TENM2: variants seen among roughly 807,000 people sequenced by gnomAD.
The protein encoded by TENM2 is teneurin transmembrane protein 2.
Under a neutral mutation model 245.2 loss-of-function variants are expected in TENM2, and 52 were observed. The ratio of observed to expected loss-of-function variants is 0.21; its 90% CI spans 0.17 to 0.27. The LOEUF (loss-of-function observed/expected upper bound fraction) is 0.27. Ranked by LOEUF, TENM2 falls within the 10% of genes least tolerant of loss-of-function variation. The pLI is 1.00. For synonymous variants in TENM2, 1,363 were observed against 1,438.9 expected (o/e 0.95, Z 1.19); for missense variants, 3,046 against 3,666.8 (o/e 0.83, Z 4.37).
rs549436222 is a variant in TENM2, at chr5:167,322,193, T to C, written c.226+37130T>C. On this transcript the variant is annotated intron_variant, in intron 1 of 28. Transcript: ENST00000518659. ...TTGTGTGTTTATGATGCTCGTGTAT[T>C]TAAGTGCTCAAAAATATTTGTTTTT... Among the ~76,000 whole-genome samples the C allele has an allele frequency of 2.1e-4, 31 of 146,160 alleles. 1 individual carries two copies. In the East Asian group the frequency reaches 5.8e-3, roughly 27 times the overall value.
intron 1 of TENM2, among the ~76,000 whole-genome samples, chr5:167,333,677 G>C (rs1213589945): frequency 1.3e-5 from 2 of 152,110 alleles, no homozygotes; most frequent in Non-Finnish European, 2.9e-5. Context: ...TAGAGGATAT[G>C]TTTGTTGTTC....
Position 168,244,199 on chromosome 5 carries a change from A to G in TENM2, c.5521-221A>G, listed in dbSNP as rs1407466013. ...TGATCCACCCACTTCAGCCTCCCACAGTGCTAGGATTACAGGCGTGAGCCA... is the reference window on the plus strand; with the variant it reads ...TGATCCACCCACTTCAGCCTCCCACGGTGCTAGGATTACAGGCGTGAGCCA... On this transcript the variant is annotated intron_variant, in intron 25 of 28. Coordinates refer to ENST00000518659, the Ensembl canonical transcript of TENM2. This position sits in a 1 kb window ranked among gnomAD's most constrained non-coding sequence, Gnocchi z 4.9. Among the ~76,000 whole-genome samples the G allele has an allele frequency of 2.0e-5, 3 of 152,054 alleles. No individual in the cohort carries two copies. The highest frequency in any genetic ancestry group is 2.9e-5 in the Non-Finnish European group (2 of 68,008).
chr5:168,057,921 A>ACT (rs58072390), intron 6 of TENM2, among the ~76,000 whole-genome samples: 52,711 of 150,202 alleles, frequency 0.35, 9,707 homozygotes, highest in African/African-American at 0.46. Context: ...ATATGGCTTT[A>ACT]CTCTCTCTCT....
intron 2 of TENM2, among the ~76,000 whole-genome samples, chr5:167,619,126 T>C: frequency 6.6e-6 from 1 of 152,120 alleles, no homozygotes; most frequent in East Asian, 1.9e-4. Flanking sequence ...AGAAATATAA[T>C]TTTCCATTTC....
intron 2 of TENM2, among the ~76,000 whole-genome samples, chr5:167,873,654 T>C (rs1486786390): frequency 6.6e-6 from 1 of 152,176 alleles, no homozygotes; most frequent in Non-Finnish European, 1.5e-5. Context: ...GTAAGAAACA[T>C]CAGCAGTTAA....
At chr5:168,027,890 G>T (rs1786769420) in intron 5 of TENM2, among the ~76,000 whole-genome samples, 1 of 152,184 alleles carries the variant, frequency 6.6e-6, no homozygotes, top group East Asian at 1.9e-4. Flanking sequence ...TACTACGGCA[G>T]ATTTATGTGG....
At chr5:167,859,367 C>T (rs1335097478) in intron 2 of TENM2, among the ~76,000 whole-genome samples, 15 of 147,788 alleles carry the variant, frequency 1.0e-4, no homozygotes, top group East Asian at 2.1e-4. Context: ...CCACCCCGTC[C>T]GGGAGGGAGG....
chr5:167,930,908 C>T (rs138914054), intron 3 of TENM2, among the ~76,000 whole-genome samples: 2 of 152,262 alleles, frequency 1.3e-5, no homozygotes, highest in East Asian at 3.9e-4. Flanking sequence ...ACTTATTAAG[C>T]AATGTGTGCA....
At chr5:167,559,761 C>T (rs923210594) in intron 2 of TENM2, among the ~76,000 whole-genome samples, 3 of 152,094 alleles carry the variant, frequency 2.0e-5, no homozygotes, top group African/African-American at 7.2e-5. Context: ...GTCTTCTCTT[C>T]CAAAAGTATG....
At chr5:167,554,023 A>G (rs1259381746) in intron 2 of TENM2, among the ~76,000 whole-genome samples, 2 of 152,174 alleles carry the variant, frequency 1.3e-5, no homozygotes, top group Non-Finnish European at 2.9e-5. Context: ...AGTTTCTCAA[A>G]CAGGGCTTGA....
intron 2 of TENM2, among the ~76,000 whole-genome samples, chr5:167,551,980 A>G (rs1412251620): frequency 6.6e-6 from 1 of 152,198 alleles, no homozygotes; most frequent in African/African-American, 2.4e-5. Flanking sequence ...GCTCCTTGGC[A>G]ATTGTTCTCA....
At chr5:167,954,166 T>TGC (rs995867695) in intron 4 of TENM2, among the ~76,000 whole-genome samples, 1 of 151,998 alleles carries the variant, frequency 6.6e-6, no homozygotes, top group Non-Finnish European at 1.5e-5. Flanking sequence ...CTAACGTGTG[T>TGC]GCACACACAC....
chr5:167,062,710 AAAAG>A, the TENM2 span, among the ~76,000 whole-genome samples: 6 of 152,230 alleles, frequency 3.9e-5, no homozygotes, highest in African/African-American at 9.6e-5. Flanking sequence ...AATGTATTAA[AAAAG>A]AAACAAAGAA....
intron 5 of TENM2, among the ~76,000 whole-genome samples, chr5:168,025,521 G>C (rs527553903): frequency 1.5e-4 from 23 of 152,328 alleles, no homozygotes; most frequent in Middle Eastern, 3.4e-3. Flanking sequence ...ATCTCCAACA[G>C]AGACTGAAAA....
At chr5:167,876,123 C>T in exon 3 of TENM2, 2 of 1,551,508 alleles carry the variant, frequency 1.3e-6, no homozygotes, top group African/African-American at 1.4e-5. Flanking sequence ...GGACACCAAC[C>T]CTGATGAGGA....
chr5:167,618,128 G>C (rs969137749), intron 2 of TENM2, among the ~76,000 whole-genome samples: 2 of 152,206 alleles, frequency 1.3e-5, no homozygotes, highest in South Asian at 4.2e-4. Flanking sequence ...AGCAACATAC[G>C]ATGGTGATAA....
chr5:167,998,001 G>T (rs1464773951), intron 5 of TENM2, among the ~76,000 whole-genome samples: 1 of 152,044 alleles, frequency 6.6e-6, no homozygotes, highest in East Asian at 1.9e-4. Flanking sequence ...CTGACTTTCT[G>T]GCCCAAACCA....
the TENM2 span, among the ~76,000 whole-genome samples, chr5:167,035,181 T>C: frequency 6.6e-6 from 1 of 152,138 alleles, no homozygotes; most frequent in Non-Finnish European, 1.5e-5. Context: ...AGTTCTTTAA[T>C]TGCAGCATAT....
chr5:167,094,297 A>G, the TENM2 span, among the ~76,000 whole-genome samples: 4 of 152,126 alleles, frequency 2.6e-5, no homozygotes, highest in Non-Finnish European at 5.9e-5. Context: ...CCATCACCTC[A>G]AAACTGCCTG....
Sources: allele counts gnomAD v4.1 joint callset (sites outside exome capture counted in the v4.1 genomes callset), GRCh38; gene constraint gnomAD v4.1.1; non-coding constraint Gnocchi (gnomAD v3.1); transcripts MANE v1.5; gene names NCBI Gene and HGNC (gene_info 2026-07-23, HGNC 2026-07-21).